Variants in CSMD1 observed in about 807,000 individuals in gnomAD.
The protein encoded by CSMD1 is CUB and Sushi multiple domains 1.
A neutral mutation model predicts 417.5 loss-of-function variants in CSMD1; 213 were observed. The ratio of observed to expected loss-of-function variants is 0.51; its 90% CI spans 0.46 to 0.57. CSMD1 has a LOEUF of 0.57. CSMD1 is among the 20% of genes least tolerant of loss of function. CSMD1 has a pLI of 0.00. For synonymous variants in CSMD1, 2,862 were observed against 1,736.8 expected, an observed-to-expected ratio of 1.65 and a Z score of -16.11; for missense variants, 6,923 against 4,529.7, an observed-to-expected ratio of 1.53 and a Z score of -15.17.
At chr8:3,511,819 TAACAATAAATA>T (rs1563108904) in intron 10 of CSMD1, among the ~76,000 whole-genome samples, 7 of 142,424 alleles carry the variant, frequency 4.9e-5, no homozygotes, top group African/African-American at 1.8e-4. Flanking sequence ...TAACATAACA[TAACAATAAATA>T]AAATAAAATA....
At chr8:4,092,662 A>T (rs1800782516) in intron 3 of CSMD1, among the ~76,000 whole-genome samples, 2 of 152,170 alleles carry the variant, frequency 1.3e-5, no homozygotes, top group Admixed American at 1.3e-4. Context: ...TCCAAACAGA[A>T]TTCAGTAGGT....
intron 1 of CSMD1, among the ~76,000 whole-genome samples, chr8:4,715,441 C>T (rs1207622405): frequency 2.0e-5 from 3 of 152,050 alleles, no homozygotes; most frequent in South Asian, 2.1e-4. Context: ...TTACCCATTC[C>T]CTTGACAATC....
chr8:3,504,373 A>G (rs1308803700), intron 10 of CSMD1, among the ~76,000 whole-genome samples: 1 of 152,230 alleles, frequency 6.6e-6, no homozygotes, highest in East Asian at 1.9e-4. Flanking sequence ...TCTTATCCGT[A>G]AAATGAGAAT....
intron 7 of CSMD1, among the ~76,000 whole-genome samples, chr8:3,650,257 G>T (rs1563233639): frequency 6.6e-6 from 1 of 151,330 alleles, no homozygotes; most frequent in African/African-American, 2.4e-5. Context: ...CAGCCTGGGT[G>T]ACAGAGCAAG....
chr8:3,049,642 G>A (rs1032545840), intron 50 of CSMD1, among the ~76,000 whole-genome samples: 2 of 152,190 alleles, frequency 1.3e-5, no homozygotes, highest in Admixed American at 6.5e-5. Context: ...CACTTTAGGC[G>A]TGAATGGGTG....
chr8:3,815,325 C>T (rs1438950197), intron 5 of CSMD1, among the ~76,000 whole-genome samples: 1 of 152,010 alleles, frequency 6.6e-6, no homozygotes, highest in African/African-American at 2.4e-5. Flanking sequence ...CACTTCTGAA[C>T]AAATCATGCA....
chr8:3,816,367 G>A (rs890206092), intron 5 of CSMD1, among the ~76,000 whole-genome samples: 5 of 152,302 alleles, frequency 3.3e-5, no homozygotes, highest in African/African-American at 1.2e-4. Context: ...AGCACAGCAG[G>A]AAAAGATATT....
At chr8:2,963,120 C>T in intron 60 of CSMD1, 102 bp downstream of exon 60, 4 of 1,281,712 alleles carry the variant, frequency 3.1e-6, no homozygotes, top group Non-Finnish European at 4.4e-6. Flanking sequence ...CTATTATTAC[C>T]CACCAGGAAG....
chr8:4,363,169 C>G (rs534262389), intron 3 of CSMD1, among the ~76,000 whole-genome samples: 1 of 152,272 alleles, frequency 6.6e-6, no homozygotes, highest in East Asian at 1.9e-4. Context: ...CATACCTAAA[C>G]AGGCTTAAAC....
intron 25 of CSMD1, among the ~76,000 whole-genome samples, chr8:3,301,050 A>G (rs17320016): frequency 0.02 from 3,084 of 151,968 alleles, 41 homozygotes; most frequent in East Asian, 0.033. Context: ...ACATGTCCAC[A>G]CCACACAATA....
chr8:4,424,784 C>G (rs998927590), intron 2 of CSMD1, among the ~76,000 whole-genome samples: 11 of 152,028 alleles, frequency 7.2e-5, no homozygotes, highest in African/African-American at 2.7e-4. Context: ...CATCAATATT[C>G]GGTTGTGTAA....
At chr8:4,472,068 A>G (rs918089295) in intron 2 of CSMD1, among the ~76,000 whole-genome samples, 4 of 152,206 alleles carry the variant, frequency 2.6e-5, no homozygotes, top group Non-Finnish European at 5.9e-5. Context: ...TTAGCTGGGA[A>G]ACTTGTTCGA....
intron 5 of CSMD1, among the ~76,000 whole-genome samples, chr8:3,936,355 G>A (rs1358800464): frequency 6.6e-6 from 1 of 152,100 alleles, no homozygotes; most frequent in Non-Finnish European, 1.5e-5. Flanking sequence ...ATTAGAAGAC[G>A]ATACCATCTA....
chr8:4,455,068 CTT>C (rs1011012594), intron 2 of CSMD1, among the ~76,000 whole-genome samples: 33 of 152,208 alleles, frequency 2.2e-4, no homozygotes, highest in Admixed American at 1.9e-3. Context: ...GGCTGGGAAA[CTT>C]CGTGCTATAC....
intron 6 of CSMD1, among the ~76,000 whole-genome samples, chr8:3,745,936 G>A (rs548843694): frequency 4.5e-4 from 69 of 152,200 alleles, no homozygotes; most frequent in Non-Finnish European, 7.3e-4. Context: ...CAGGCCGGGG[G>A]GAAAGGCCAG....
chr8:3,186,828 T>C (rs982723457), intron 36 of CSMD1, among the ~76,000 whole-genome samples: 2 of 152,234 alleles, frequency 1.3e-5, no homozygotes, highest in East Asian at 1.9e-4. Flanking sequence ...AATTCTCTAG[T>C]AGCTAATCTT....
chr8:4,990,662 T>C (rs995731922), intron 1 of CSMD1, among the ~76,000 whole-genome samples: 45 of 152,176 alleles, frequency 3.0e-4, no homozygotes, highest in African/African-American at 1.0e-3. Flanking sequence ...TCCGGCCCAC[T>C]TTTTTATTGC....
At chr8:3,088,668 C>A (rs1228266446) in intron 48 of CSMD1, among the ~76,000 whole-genome samples, 3 of 151,708 alleles carry the variant, frequency 2.0e-5, no homozygotes, top group African/African-American at 7.3e-5. Context: ...AACTGAAAAT[C>A]CACTACCATA....
At chr8:4,512,601 G>C (rs555182514) in intron 2 of CSMD1, among the ~76,000 whole-genome samples, 2 of 152,190 alleles carry the variant, frequency 1.3e-5, no homozygotes, top group East Asian at 3.9e-4. Context: ...AGGATACAAA[G>C]TTAACACTAA....
Sources: allele counts gnomAD v4.1 joint callset (sites outside exome capture counted in the v4.1 genomes callset), GRCh38; gene constraint gnomAD v4.1.1; transcripts MANE v1.5; gene names NCBI Gene and HGNC (gene_info 2026-07-23, HGNC 2026-07-21).